KANSL1: variants seen among roughly 807,000 people sequenced by gnomAD.
KANSL1 encodes MLL1/MLL complex subunit KANSL1.
A neutral mutation model predicts 103.6 loss-of-function variants in KANSL1; 22 were observed. That is an observed-to-expected ratio of 0.21 (90% CI 0.15 to 0.30). KANSL1 has a LOEUF of 0.30. KANSL1 is among the 10% of genes least tolerant of loss of function. The probability of loss-of-function intolerance (pLI) is 1.00; values close to 1 mark genes in which losing one functional copy is unlikely to be tolerated. For missense variants in KANSL1, 1,337 were observed against 1,399.8 expected, an observed-to-expected ratio of 0.96 and a Z score of 0.72; for synonymous variants, 600 against 527.6, an observed-to-expected ratio of 1.14 and a Z score of -1.88.
At chr17:46,160,608 C>T (rs1375710439) in intron 2 of KANSL1, among the ~76,000 whole-genome samples, 1 of 152,168 alleles carries the variant, frequency 6.6e-6, no homozygotes, top group Non-Finnish European at 1.5e-5. Flanking sequence ...CATCCAACTT[C>T]TACTCCACAA....
chr17:46,057,015 C>A (rs1254997845), intron 6 of KANSL1, among the ~76,000 whole-genome samples: 1 of 152,134 alleles, frequency 6.6e-6, no homozygotes, highest in East Asian at 1.9e-4. Flanking sequence ...GTTCAAATTA[C>A]GGTCATCCCG....
chr17:46,036,013 T>G (rs2077135867), intron 10 of KANSL1: 1 of 143,990 alleles, frequency 6.9e-6, no homozygotes, highest in Non-Finnish European at 1.5e-5. Flanking sequence ...GAAGCAACAT[T>G]AAGGAGTATT....
At chr17:46,202,403 CT>C (rs1212179390) in intron 1 of KANSL1, among the ~76,000 whole-genome samples, 1 of 152,304 alleles carries the variant, frequency 6.6e-6, no homozygotes, top group East Asian at 1.9e-4. Context: ...AGAATTCTCA[CT>C]GTTTCAAGAT....
At chr17:46,211,027 C>G (rs1260843420) in intron 1 of KANSL1, among the ~76,000 whole-genome samples, 1 of 152,028 alleles carries the variant, frequency 6.6e-6, no homozygotes, top group African/African-American at 2.4e-5. Context: ...TGGATTACCT[C>G]TAAGAGCCCA....
rs144377285 is a variant in KANSL1 at position 46,039,110 on chromosome 17, C to T, written c.2309G>A (p.Arg770His). The T allele has an allele frequency of 1.6e-5, 26 of 1,612,406 alleles. No homozygotes were observed. The highest frequency in any genetic ancestry group is 2.0e-5 in the Non-Finnish European group (24 of 1,179,768). ...VERVTAPKAERLLNPPPPVHD... is the reference protein window; with the variant it reads ...VERVTAPKAEHLLNPPPPVHD... ...CACGGGTGGTGGTGGGTTGAGCAAG[C>T]GCTCTGCTTTTGGCGCTGTCACTCG... The change falls in exon 9 of 15, where the codon CGC (arginine) becomes CAC (histidine). Residue 770 changes from arginine (R) to histidine (H), a missense_variant. Physicochemically the swap from Arg to His is conservative, Grantham distance 29. Coordinates refer to ENST00000432791, the MANE Select transcript of KANSL1 (RefSeq NM_015443.4).
chr17:46,141,069 G>GT lies in KANSL1; in HGVS notation c.1289+29785dup, dbSNP rs1346308919. ...CCCAGAACAGTGATTGATCCTGTTT[G>GT]TTTAAAAAAAAAAAAAGACAATGTA... On this transcript the variant is annotated intron_variant, in intron 2 of 14. Coordinates refer to ENST00000432791, the MANE Select transcript of KANSL1 (RefSeq NM_015443.4). Among the ~76,000 whole-genome samples, 7 of 149,242 alleles carry GT rather than the reference G, an allele frequency of 4.7e-5. No individual in the cohort carries two copies. The East Asian group carries it at 1.4e-3, about 30-fold the overall frequency.
At chr17:46,150,975 TATAAAGA>T (rs1413223583) in intron 2 of KANSL1, among the ~76,000 whole-genome samples, 4 of 148,800 alleles carry the variant, frequency 2.7e-5, no homozygotes, top group Non-Finnish European at 5.9e-5. Flanking sequence ...GCATTATGAA[TATAAAGA>T]ATAAAGACAT....
chr17:46,061,396 A>T (rs2078152761), intron 6 of KANSL1, among the ~76,000 whole-genome samples: 1 of 152,112 alleles, frequency 6.6e-6, no homozygotes, highest in Non-Finnish European at 1.5e-5. Flanking sequence ...AGTTATAAAC[A>T]CCTACTTCAC....
In KANSL1 at chr17:46,067,615, T is replaced by C. The variant is rs2078428545; in HGVS notation, c.1586A>G (p.His529Arg). The stretch of plus-strand genomic sequence containing the variant: ...TTTGGTAGACAGTGACTCTGAAATA[T>C]GACCAATAATAGGGGCACCATGGTT... ...LENHGAPIIGHISESLSTKSC... is the reference protein window; with the variant it reads ...LENHGAPIIGRISESLSTKSC... The change falls in exon 5 of 15, where the codon CAT becomes CGT. Residue 529 changes from histidine to arginine, a missense_variant. His to Arg is a conservative substitution (Grantham distance 29). This residue lies in a region of KANSL1 where 780 missense variants were observed against 923.4 expected (regional missense o/e 0.84). Coordinates refer to ENST00000432791, the MANE Select transcript of KANSL1 (RefSeq NM_015443.4). The C allele has an allele frequency of 1.2e-6, 2 of 1,608,590 alleles. No individual in the cohort carries two copies. Among genetic ancestry groups the C allele is most frequent in the Non-Finnish European group, 1.7e-6 (2 of 1,175,012 alleles).
intron 2 of KANSL1, among the ~76,000 whole-genome samples, chr17:46,134,838 C>T (rs1240991792): frequency 6.7e-6 from 1 of 148,358 alleles, no homozygotes; most frequent in Non-Finnish European, 1.5e-5. Context: ...GAGTGAGACT[C>T]GGTCTCCAAA....
intron 4 of KANSL1, among the ~76,000 whole-genome samples, chr17:46,068,804 AG>A (rs1378292192): frequency 6.6e-6 from 1 of 152,238 alleles, no homozygotes; most frequent in East Asian, 1.9e-4. Flanking sequence ...CAAAACGGAT[AG>A]GAACAGTATG....
At chr17:46,203,748 A>T (rs1417753035) in intron 1 of KANSL1, among the ~76,000 whole-genome samples, 1 of 152,276 alleles carries the variant, frequency 6.6e-6, no homozygotes, top group Admixed American at 6.5e-5. Context: ...TTTATGGCAT[A>T]ACCAAAATGA....
chr17:46,157,505 T>G lies in KANSL1; in HGVS notation c.1289+13350A>C, dbSNP rs190394262. ...TGTAAAACCAAATATATACATATCA[T>G]GTCAATGTCTTGAATGTACAATTAC... On this transcript the variant is annotated intron_variant, in intron 2 of 14. Transcript: ENST00000432791. Among the ~76,000 whole-genome samples, 10 of 152,346 alleles carry G rather than the reference T, an allele frequency of 6.6e-5. No homozygotes were observed. The East Asian group carries it at 1.9e-3, about 29-fold the overall frequency.
At chr17:46,071,718 C>T (rs1205026006) in intron 4 of KANSL1, among the ~76,000 whole-genome samples, 1 of 152,150 alleles carries the variant, frequency 6.6e-6, no homozygotes, top group Non-Finnish European at 1.5e-5. Context: ...CAATAGGCAA[C>T]TGCAAAAAGG....
chr17:46,206,354 G>A (rs1375461043), intron 1 of KANSL1, among the ~76,000 whole-genome samples: 2 of 152,206 alleles, frequency 1.3e-5, no homozygotes, highest in Non-Finnish European at 2.9e-5. Context: ...TATAAGTGTG[G>A]GTTCAGAAAT....
chr17:46,105,906 G>GAGACACACACACACACAC lies in KANSL1; in HGVS notation c.1290-11206_1290-11205insGTGTGTGTGTGTGTGTCT, dbSNP rs778730504. On this transcript the variant is annotated intron_variant, in intron 2 of 14. Coordinates refer to ENST00000432791, the MANE Select transcript of KANSL1 (RefSeq NM_015443.4). ...ACACACACACACAGAGCAAGGCCTT[G>GAGACACACACACACACAC]ACACACACACACACACACACACACA... is the stretch of plus-strand genomic sequence containing the variant. Among the ~76,000 whole-genome samples, 230 of 95,004 alleles carry GAGACACACACACACACAC rather than the reference G, an allele frequency of 2.4e-3. 1 individual carries two copies. Among genetic ancestry groups the GAGACACACACACACACAC allele is most frequent in the African/African-American group, 9.7e-3 (211 of 21,796 alleles). 62.3% of individuals were successfully genotyped at this position (95,004 alleles called of 152,430 possible).
chr17:46,079,453 T>C (rs778389948), intron 4 of KANSL1, among the ~76,000 whole-genome samples: 6 of 152,236 alleles, frequency 3.9e-5, no homozygotes, highest in Non-Finnish European at 7.3e-5. Context: ...GGCCCAGAAG[T>C]CTTACTGGAT....
At chr17:46,079,385 C>T (rs758658230) in intron 4 of KANSL1, among the ~76,000 whole-genome samples, 11 of 152,234 alleles carry the variant, frequency 7.2e-5, no homozygotes, top group Non-Finnish European at 1.2e-4. Context: ...ACCCAGGAAA[C>T]ATCTGACTCT....
At chr17:46,086,049 G>A (rs575561829) in intron 3 of KANSL1, among the ~76,000 whole-genome samples, 101 of 152,186 alleles carry the variant, frequency 6.6e-4, no homozygotes, top group Non-Finnish European at 6.8e-4. Context: ...AATATTTGTT[G>A]AGTTGTATAA....
Sources: gnomAD v4.1 joint callset for allele counts (sites outside exome capture counted in the v4.1 genomes callset) on GRCh38, gnomAD v4.1.1 for gene constraint, gnomAD v4.1.1 regional missense constraint, MANE v1.5 for transcripts, NCBI Gene and HGNC (gene_info 2026-07-23, HGNC 2026-07-21) for gene names.